Variants in ANK3 observed in about 807,000 individuals in gnomAD.
ANK3 encodes the protein ankyrin 3, also known as ankyrin-3.
A neutral mutation model predicts 370.9 loss-of-function variants in ANK3; 57 were observed. The observed-to-expected ratio is 0.15, with a 90% CI of 0.12 to 0.19. The LOEUF is 0.19. Ranked by LOEUF, ANK3 falls within the 10% of genes least tolerant of loss-of-function variation. The probability of loss-of-function intolerance (pLI) is 1.00; values close to 1 mark genes in which losing one functional copy is unlikely to be tolerated. For synonymous variants in ANK3, 1,929 were observed against 1,946.3 expected, an observed-to-expected ratio of 0.99 and a Z score of 0.23; for missense variants, 4,439 against 5,302.1, an observed-to-expected ratio of 0.84 and a Z score of 5.06.
intron 2 of ANK3, among the ~76,000 whole-genome samples, chr10:60,448,111 G>A (rs2064498927): frequency 6.6e-6 from 1 of 152,126 alleles, no homozygotes; most frequent in African/African-American, 2.4e-5. Flanking sequence ...AGAATCCAGA[G>A]AAGAACAGGC....
intron 23 of ANK3, chr10:60,140,096 T>G (rs953483639): frequency 9.4e-6 from 5 of 533,846 alleles, no homozygotes; most frequent in African/African-American, 3.9e-5. Context: ...ATTCCTGCAT[T>G]CGGTACTGTT....
chr10:60,415,505 G>A (rs2063643461), intron 2 of ANK3, among the ~76,000 whole-genome samples: 1 of 152,114 alleles, frequency 6.6e-6, no homozygotes, highest in Non-Finnish European at 1.5e-5. Context: ...CCTGTGGGAG[G>A]GAGGATAAAT....
At chr10:60,486,209 T>C (rs1186243718) in intron 2 of ANK3, among the ~76,000 whole-genome samples, 5 of 152,222 alleles carry the variant, frequency 3.3e-5, no homozygotes, top group Admixed American at 1.3e-4. Context: ...ATCTCATTGA[T>C]CCTCTAATAA....
At chr10:60,272,196 T>A (rs1456146734) in intron 4 of ANK3, among the ~76,000 whole-genome samples, 1 of 151,538 alleles carries the variant, frequency 6.6e-6, no homozygotes, top group East Asian at 1.9e-4. Flanking sequence ...ATGAGTGAAA[T>A]TCAAAGGGAG....
chr10:60,342,269 A>G (rs767261074), intron 1 of ANK3, among the ~76,000 whole-genome samples: 10 of 152,182 alleles, frequency 6.6e-5, no homozygotes, highest in Non-Finnish European at 1.5e-4. Flanking sequence ...TTATTTCAGT[A>G]GATAAGAATT....
At chr10:60,391,991 C>CT (rs2063121616), upstream of ANK3, among the ~76,000 whole-genome samples, 3 of 152,256 alleles carry the variant, frequency 2.0e-5, no homozygotes, top group South Asian at 6.2e-4. Flanking sequence ...AAAATGTGAT[C>CT]TTTTATCTTC....
chr10:60,448,922 G>A (rs760559753), intron 2 of ANK3, among the ~76,000 whole-genome samples: 21 of 152,170 alleles, frequency 1.4e-4, no homozygotes, highest in African/African-American at 3.4e-4. Flanking sequence ...CTGGATGCCC[G>A]ACCTTTTCAC....
In ANK3 at chr10:60,056,046, A is replaced by C; in HGVS notation, c.12687-10T>G. The C allele has an allele frequency of 6.3e-7, 1 of 1,583,584 alleles. No individual in the cohort carries two copies. The highest frequency in any genetic ancestry group is 8.6e-7 in the Non-Finnish European group (1 of 1,169,410). On this transcript the variant is annotated splice_polypyrimidine_tract_variant and intron_variant, in intron 41 of 43. Coordinates refer to ENST00000280772, the MANE Select transcript of ANK3 (RefSeq NM_020987.5). ...TCTACACTGGTCAGGGCTGCAACAG[A>C]AAATTTGCAAATTCACAATGGCAAA...
intron 2 of ANK3, among the ~76,000 whole-genome samples, chr10:60,511,451 G>A (rs2076077598): frequency 2.0e-5 from 3 of 152,104 alleles, no homozygotes; most frequent in South Asian, 2.1e-4. Context: ...AAGAGCAGTA[G>A]TACAATCTGT....
chr10:60,425,598 C>T (rs948662879), intron 2 of ANK3, among the ~76,000 whole-genome samples: 7 of 152,226 alleles, frequency 4.6e-5, no homozygotes, highest in African/African-American at 1.7e-4. Flanking sequence ...AAACAACCAA[C>T]CCTGATGATA....
At chr10:60,666,986 A>G (rs1588996445) in intron 1 of ANK3, among the ~76,000 whole-genome samples, 1 of 152,182 alleles carries the variant, frequency 6.6e-6, no homozygotes, top group African/African-American at 2.4e-5. Context: ...AAAATTAAAT[A>G]TCAGGTGAAC....
intron 25 of ANK3, among the ~76,000 whole-genome samples, chr10:60,128,726 T>G (rs751877674): frequency 6.6e-6 from 1 of 152,212 alleles, no homozygotes; most frequent in Non-Finnish European, 1.5e-5. Flanking sequence ...ATAGGGATAT[T>G]GTGAACTATA....
chr10:60,365,649 T>C (rs976569682), intron 1 of ANK3, among the ~76,000 whole-genome samples: 2 of 152,240 alleles, frequency 1.3e-5, no homozygotes, highest in Admixed American at 1.3e-4. Context: ...CAGGGACTTA[T>C]TTAGCACTTC....
At chr10:60,053,007 C>T (rs2078394706) in intron 42 of ANK3, among the ~76,000 whole-genome samples, 1 of 152,156 alleles carries the variant, frequency 6.6e-6, no homozygotes, top group African/African-American at 2.4e-5. Flanking sequence ...GGAAATTTCA[C>T]CTCAACAAAC....
At chr10:60,145,325 C>A (rs748848758) in intron 23 of ANK3, among the ~76,000 whole-genome samples, 6 of 152,142 alleles carry the variant, frequency 3.9e-5, no homozygotes, top group Non-Finnish European at 8.8e-5. Flanking sequence ...TAGAACTCAG[C>A]AAATAGTCTA....
intron 26 of ANK3, among the ~76,000 whole-genome samples, chr10:60,110,884 C>G (rs1408367827): frequency 1.3e-5 from 2 of 152,184 alleles, no homozygotes; most frequent in African/African-American, 4.8e-5. Flanking sequence ...TACACACACA[C>G]TGGAATGTTT....
At chr10:60,456,992 T>C (rs1430535389) in intron 2 of ANK3, among the ~76,000 whole-genome samples, 2 of 152,142 alleles carry the variant, frequency 1.3e-5, no homozygotes, top group Admixed American at 1.3e-4. Context: ...GTTGGGACTT[T>C]TCTAGTCTTC....
chr10:60,562,607 G>T (rs544576113), intron 2 of ANK3, among the ~76,000 whole-genome samples: 3 of 152,220 alleles, frequency 2.0e-5, no homozygotes, highest in Admixed American at 6.5e-5. Context: ...TAGAGACAGG[G>T]TTTCACCATG....
At chr10:60,131,018 C>T (rs545756612) in intron 25 of ANK3, among the ~76,000 whole-genome samples, 2 of 152,322 alleles carry the variant, frequency 1.3e-5, no homozygotes, top group African/African-American at 2.4e-5. Flanking sequence ...TATCCACATG[C>T]ATTTTGGCTG....
Sources: allele counts gnomAD v4.1 joint callset (sites outside exome capture counted in the v4.1 genomes callset), GRCh38; gene constraint gnomAD v4.1.1; transcripts MANE v1.5; gene names NCBI Gene and HGNC (gene_info 2026-07-23, HGNC 2026-07-21).